UBE3A: variants seen among roughly 807,000 people sequenced by gnomAD.
The protein encoded by UBE3A is ubiquitin-protein ligase E3A.
A neutral mutation model predicts 83.4 loss-of-function variants in UBE3A; 6 were observed. The ratio of observed to expected loss-of-function variants is 0.07; its 90% CI spans 0.04 to 0.14. The LOEUF (loss-of-function observed/expected upper bound fraction) is 0.14, where lower values mean the gene tolerates loss of function less well. Ranked by LOEUF, UBE3A falls within the 10% of genes least tolerant of loss-of-function variation. The pLI, the probability that UBE3A is intolerant of heterozygous loss-of-function variation, is 1.00. For synonymous variants in UBE3A, 337 were observed against 355.4 expected (o/e 0.95, Z 0.58); for missense variants, 456 against 1,036.1 (o/e 0.44, Z 7.69).
At chr15:25,384,886 G>A (rs2082839069) in intron 4 of UBE3A, among the ~76,000 whole-genome samples, 1 of 152,142 alleles carries the variant, frequency 6.6e-6, no homozygotes, top group South Asian at 2.1e-4. Flanking sequence ...ACTGTATTGG[G>A]AAATCTGGAA....
chr15:25,411,612 G>A (rs1179244398), intron 2 of UBE3A, among the ~76,000 whole-genome samples: 3 of 151,518 alleles, frequency 2.0e-5, no homozygotes, highest in Non-Finnish European at 4.4e-5. Flanking sequence ...AGCAGCAGCA[G>A]CAGCAACAAC....
chr15:25,429,925 A>G (rs1373850087), intron 1 of UBE3A, among the ~76,000 whole-genome samples: 1 of 147,582 alleles, frequency 6.8e-6, no homozygotes, highest in Non-Finnish European at 1.5e-5. Flanking sequence ...GAATCACTTG[A>G]ACCCAGGAGG....
chr15:25,424,750 T>A (rs982521132), intron 1 of UBE3A, among the ~76,000 whole-genome samples: 12 of 152,196 alleles, frequency 7.9e-5, no homozygotes, highest in African/African-American at 2.4e-4. Context: ...AATGAAATTT[T>A]AAAAAATTCA....
chr15:25,368,780 T>C (rs12717754), intron 6 of UBE3A, among the ~76,000 whole-genome samples: 57,388 of 151,956 alleles, frequency 0.38, 14,267 homozygotes, highest in African/African-American at 0.72. Context: ...ATAAAGTATA[T>C]ACCAAGTACT....
At chr15:25,375,792 A>G in intron 4 of UBE3A, 29 bp from the exon 5 acceptor site, 3 of 1,603,182 alleles carry the variant, frequency 1.9e-6, no homozygotes, top group African/African-American at 1.3e-5. Context: ...CAATAAGCAC[A>G]GTGATTAGTA....
chr15:25,411,359 GC>G (rs1397666080), intron 2 of UBE3A, among the ~76,000 whole-genome samples: 3 of 152,244 alleles, frequency 2.0e-5, no homozygotes, highest in Non-Finnish European at 4.4e-5. Flanking sequence ...GGAGGCCAAG[GC>G]GGGTGGATCA....
Position 25,438,540 on chromosome 15 carries a change from C to A in UBE3A, c.-216G>T. ...CGGCGGCCGCCTCACTGGTCGTAGTCGCCCTCGCCCGCCGCCTCCGCCCGC... is the reference window on the plus strand; with the variant it reads ...CGGCGGCCGCCTCACTGGTCGTAGTAGCCCTCGCCCGCCGCCTCCGCCCGC... On this transcript the variant is annotated 5_prime_UTR_variant, in exon 1 of 13. Transcript: ENST00000648336. 6.5e-6 allele frequency: 1 copy of A among 153,570 alleles called. No individual in the cohort carries two copies. Among genetic ancestry groups the A allele is most frequent in the South Asian group, 1.9e-4 (1 of 5,394 alleles). 9.5% of individuals were successfully genotyped at this position (153,570 alleles called of 1,614,324 possible).
chr15:25,387,438 C>T (rs987133306), intron 4 of UBE3A, among the ~76,000 whole-genome samples: 3 of 152,034 alleles, frequency 2.0e-5, no homozygotes, highest in Admixed American at 6.6e-5. Flanking sequence ...AAGAGAATGG[C>T]GTGAACCCGG....
intron 4 of UBE3A, among the ~76,000 whole-genome samples, chr15:25,397,148 G>A (rs2085768600): frequency 6.6e-6 from 1 of 152,200 alleles, no homozygotes; most frequent in Non-Finnish European, 1.5e-5. Context: ...ATAGGAATGT[G>A]AGAAATGGTA....
intron 6 of UBE3A, among the ~76,000 whole-genome samples, chr15:25,368,709 C>T (rs1251395257): frequency 2.0e-5 from 3 of 152,090 alleles, no homozygotes; most frequent in African/African-American, 7.2e-5. Flanking sequence ...TTTACACTAA[C>T]ACCTAAGGCT....
At chr15:25,396,766 CTTGT>C (rs578258929) in intron 4 of UBE3A, among the ~76,000 whole-genome samples, 13 of 152,174 alleles carry the variant, frequency 8.5e-5, no homozygotes, top group African/African-American at 2.4e-4. Flanking sequence ...GTTAAAAACA[CTTGT>C]TTAAGAGTAT....
chr15:25,333,981 T>C lies in UBE3A; in HGVS notation c.*5156A>G, dbSNP rs2073843156. The C allele has an allele frequency of 6.6e-6, 1 of 151,854 alleles. No individual in the cohort carries two copies. Among genetic ancestry groups the C allele is most frequent in the South Asian group, 2.1e-4 (1 of 4,820 alleles). The allele number at this position is 151,854 out of a possible 1,614,324, so 9.4% of individuals were successfully genotyped here. A position where few individuals can be genotyped will look rare whatever the true frequency, so the allele number is the denominator to read the frequency against. On this transcript the variant is annotated 3_prime_UTR_variant, in exon 13 of 13. Transcript: ENST00000648336. ...AACTTGAAGCAAACCCACAGCTAGC[T>C]AACATCATACTCAATGGTGAAAGAC...
intron 3 of UBE3A, among the ~76,000 whole-genome samples, chr15:25,405,873 T>A (rs921088942): frequency 6.6e-6 from 1 of 152,210 alleles, no homozygotes; most frequent in Non-Finnish European, 1.5e-5. Context: ...ACAAAGGTAC[T>A]CACTGGTATT....
chr15:25,437,852 G>C lies in UBE3A; in HGVS notation c.-165+637C>G, dbSNP rs566454200. 6.9e-4 allele frequency among the ~76,000 whole-genome samples: 105 copies of C among 151,878 alleles called. No homozygotes were observed. The South Asian group carries it at 0.011, about 15-fold the overall frequency. On this transcript the variant is annotated intron_variant, in intron 1 of 12. Coordinates refer to ENST00000648336, the MANE Select transcript of UBE3A (RefSeq NM_130839.5). ...CCTTTTCATTTTCTACACTGAAAAG[G>C]GGGGGGAAAAAAGGCCAACTGCTTG...
Position 25,409,043 on chromosome 15 carries a change from T to C in UBE3A, c.20+45A>G, listed in dbSNP as rs1387303726. ...TCATTTTTACAGTATGTATTTCACT[T>C]TACAATGACAGCCTTTTAAAGGCTG... On this transcript the variant is annotated intron_variant, in intron 3 of 12. Transcript: ENST00000648336. The C allele has an allele frequency of 5.1e-6, 8 of 1,557,820 alleles. No individual in the cohort carries two copies. In the East Asian group the frequency reaches 1.4e-4, roughly 27 times the overall value.
chr15:25,385,721 C>T (rs955523068), intron 4 of UBE3A, among the ~76,000 whole-genome samples: 1 of 152,076 alleles, frequency 6.6e-6, no homozygotes, highest in African/African-American at 2.4e-5. Context: ...GAACACATAG[C>T]ATCACCATTT....
intron 6 of UBE3A, among the ~76,000 whole-genome samples, chr15:25,367,187 GTAAATATTTA>G (rs1178620993): frequency 1.1e-4 from 11 of 97,396 alleles, no homozygotes; most frequent in African/African-American, 5.3e-4. Flanking sequence ...TTGTAAATAT[GTAAATATTTA>G]CATATTTGTA....
At chr15:25,355,053 T>G (rs2077040156) in intron 9 of UBE3A, among the ~76,000 whole-genome samples, 1 of 152,204 alleles carries the variant, frequency 6.6e-6, no homozygotes, top group African/African-American at 2.4e-5. Flanking sequence ...TAAACAGAAC[T>G]GAATATAAAT....
intron 11 of UBE3A, among the ~76,000 whole-genome samples, chr15:25,340,637 T>G (rs1312172799): frequency 2.0e-5 from 3 of 152,146 alleles, no homozygotes; most frequent in African/African-American, 7.2e-5. Context: ...ATTTTATTTA[T>G]CCTTTCTCCT....
Sources: gnomAD v4.1 joint callset for allele counts (sites outside exome capture counted in the v4.1 genomes callset) on GRCh38, gnomAD v4.1.1 for gene constraint, MANE v1.5 for transcripts, NCBI Gene and HGNC (gene_info 2026-07-23, HGNC 2026-07-21) for gene names.